The following C3orf22 variants were observed in gnomAD, a reference collection of about 807,000 sequenced individuals.
C3orf22 encodes chromosome 3 open reading frame 22.
C3orf22 carries 7 observed loss-of-function variants against 10.8 expected under a neutral mutation model. The observed-to-expected ratio is 0.65, with a 90% CI of 0.37 to 1.22. The LOEUF (loss-of-function observed/expected upper bound fraction) is 1.22. Ranked by LOEUF, C3orf22 falls within the 50% of genes most tolerant of loss-of-function variation. The probability of loss-of-function intolerance (pLI) is 0.02; values close to 1 mark genes in which losing one functional copy is unlikely to be tolerated. For missense variants in C3orf22, 173 were observed against 177.0 expected (o/e 0.98, Z 0.13); for synonymous variants, 79 against 78.9 (o/e 1.00, Z 0.00).
chr3:126,554,055 G>A (rs139540526), intron 1 of C3orf22, among the ~76,000 whole-genome samples: 273 of 152,246 alleles, frequency 1.8e-3, no homozygotes, highest in African/African-American at 5.1e-3. Flanking sequence ...TTGATCTGCC[G>A]CCCAGGCTGG....
rs74882545 is a variant in C3orf22 at position 126,540,642 on chromosome 3, G to C, written c.286+8895C>G. On this transcript the variant is annotated intron_variant and NMD_transcript_variant, in intron 4 of 5. Transcript: ENST00000505070. ...TTTGCCCACTCAGCAGTGCACACTT[G>C]GATTTTCTGGCTAATGTGAATATTG... Among the ~76,000 whole-genome samples, 772 of 152,332 alleles carry C rather than the reference G, an allele frequency of 5.1e-3. 9 individuals carry two copies. Among genetic ancestry groups the C allele is most frequent in the African/African-American group, 0.018 (731 of 41,578 alleles).
intron 1 of C3orf22, among the ~76,000 whole-genome samples, chr3:126,555,558 G>A (rs1937308890): frequency 6.6e-6 from 1 of 152,182 alleles, no homozygotes; most frequent in African/African-American, 2.4e-5. Flanking sequence ...GCCCCATTAT[G>A]AACTGAGCAT....
Position 126,528,767 on chromosome 3 carries a change from C to T in C3orf22, c.*218+365G>A, listed in dbSNP as rs140302207. Among the ~76,000 whole-genome samples, 17 of 152,216 alleles carry T rather than the reference C, an allele frequency of 1.1e-4. No individual in the cohort carries two copies. In the East Asian group the frequency reaches 1.9e-3, roughly 17 times the overall value. Reference sequence around the variant, plus strand: ...GCAAATGGAGTTTGAACTAAATACACGTGGAGAGATCTCTAGTTCTCTCCC... The same window carrying T: ...GCAAATGGAGTTTGAACTAAATACATGTGGAGAGATCTCTAGTTCTCTCCC... On this transcript the variant is annotated intron_variant and NMD_transcript_variant, in intron 5 of 5. Coordinates refer to the C3orf22 transcript ENST00000505070.
intron 5 of C3orf22, among the ~76,000 whole-genome samples, chr3:126,528,695 G>C (rs1461774011): frequency 6.6e-6 from 1 of 152,174 alleles, no homozygotes; most frequent in African/African-American, 2.4e-5. Flanking sequence ...TGCTCAAGGG[G>C]GATCTGGGCA....
At chr3:126,536,872 CTCTCTT>C (rs906942132) in intron 4 of C3orf22, among the ~76,000 whole-genome samples, 1 of 142,840 alleles carries the variant, frequency 7.0e-6, no homozygotes, top group African/African-American at 2.8e-5. Flanking sequence ...GGCTCTCTCT[CTCTCTT>C]TCTCACACAC....
chr3:126,528,261 C>G (rs1294940212), intron 5 of C3orf22, among the ~76,000 whole-genome samples: 1 of 151,988 alleles, frequency 6.6e-6, no homozygotes, highest in Non-Finnish European at 1.5e-5. Context: ...CTTCCTATGG[C>G]TGTCAGAGGG....
chr3:126,553,214 A>T (rs1937240863), intron 2 of C3orf22, 88 bp downstream of exon 2: 1 of 938,544 alleles, frequency 1.1e-6, no homozygotes, highest in African/African-American at 1.6e-5. Flanking sequence ...TCCCAGCTGC[A>T]GCCCCACAGA....
intron 3 of C3orf22, among the ~76,000 whole-genome samples, chr3:126,550,818 T>C (rs1221565992): frequency 6.6e-6 from 1 of 152,216 alleles, no homozygotes; most frequent in Non-Finnish European, 1.5e-5. Flanking sequence ...CTCAGCCCAC[T>C]GCCCCCTTCA....
At chr3:126,545,496 C>T (rs1325259490), downstream of C3orf22, among the ~76,000 whole-genome samples, 1 of 152,228 alleles carries the variant, frequency 6.6e-6, no homozygotes, top group Non-Finnish European at 1.5e-5. Flanking sequence ...ATTCAGGCAG[C>T]TTCCTGAGAG....
chr3:126,532,617 C>T (rs747763427), intron 4 of C3orf22, among the ~76,000 whole-genome samples: 9 of 152,246 alleles, frequency 5.9e-5, no homozygotes, highest in Non-Finnish European at 1.3e-4. Context: ...AGTGCTATTT[C>T]ATTCATCTAT....
intron 4 of C3orf22, among the ~76,000 whole-genome samples, chr3:126,534,630 C>G (rs941866576): frequency 6.6e-6 from 1 of 151,286 alleles, no homozygotes. Flanking sequence ...CAGACAGCAT[C>G]CCTGTCCTCA....
At position 126,542,479 on chromosome 3, in the gene C3orf22, G is replaced by C. The variant is rs772828007; in HGVS notation, c.286+7058C>G. On this transcript the variant is annotated intron_variant and NMD_transcript_variant, in intron 4 of 5. Coordinates refer to the C3orf22 transcript ENST00000505070. ...GCGACCTGGCAGCGCGCCTCTTCCG[G>C]GACATCAGCCCCTTCTACCAGCGGC... 1.9e-5 allele frequency: 30 copies of C among 1,583,676 alleles called. No homozygotes were observed. In the Admixed American group the frequency reaches 5.4e-4, roughly 28 times the overall value.
At chr3:126,552,287 A>G (rs757587845) in intron 2 of C3orf22, 165 bp from the exon 3 acceptor site, 30 of 640,970 alleles carry the variant, frequency 4.7e-5, no homozygotes, top group Non-Finnish European at 5.6e-5. Flanking sequence ...TGTTACCCAC[A>G]CTTTACAGAC....
chr3:126,529,497 G>A (rs1162468702), intron 4 of C3orf22: 3 of 844,118 alleles, frequency 3.6e-6, no homozygotes, highest in African/African-American at 1.8e-5. Flanking sequence ...TTCTGGCACA[G>A]CAAGGAAGCT....
chr3:126,536,285 G>C (rs751992539), intron 4 of C3orf22: 1 of 1,613,944 alleles, frequency 6.2e-7, no homozygotes, highest in Non-Finnish European at 8.5e-7. Context: ...TGGAAACAGA[G>C]CCCTGGGCTC....
At chr3:126,536,798 G>A (rs1387572193) in intron 4 of C3orf22, among the ~76,000 whole-genome samples, 1 of 150,324 alleles carries the variant, frequency 6.7e-6, no homozygotes, top group Non-Finnish European at 1.5e-5. Context: ...GGGCCTGCAG[G>A]GACCACACAC....
intron 4 of C3orf22, among the ~76,000 whole-genome samples, chr3:126,540,257 C>T (rs1936930290): frequency 6.6e-6 from 1 of 152,156 alleles, no homozygotes; most frequent in Non-Finnish European, 1.5e-5. Context: ...CTCTTTCAAA[C>T]CCTACAATTG....
At chr3:126,556,712 AGACT>A (rs1937341423) in intron 1 of C3orf22, among the ~76,000 whole-genome samples, 1 of 151,430 alleles carries the variant, frequency 6.6e-6, no homozygotes, top group African/African-American at 2.4e-5. Context: ...ACACTCACAC[AGACT>A]GACCCCACAC....
At chr3:126,553,757 G>A (rs1559755096) in intron 1 of C3orf22, among the ~76,000 whole-genome samples, 2 of 152,152 alleles carry the variant, frequency 1.3e-5, no homozygotes, top group Non-Finnish European at 2.9e-5. Context: ...AGCGCTATGC[G>A]GAGGAACTGC....
Sources: gnomAD v4.1 joint callset for allele counts (sites outside exome capture counted in the v4.1 genomes callset) on GRCh38, gnomAD v4.1.1 for gene constraint, MANE v1.5 for transcripts, NCBI Gene and HGNC (gene_info 2026-07-23, HGNC 2026-07-21) for gene names.